The following RAB2B variants were observed in gnomAD, a reference collection of about 807,000 sequenced individuals.
RAB2B encodes the protein RAB2B, member RAS oncogene family, also known as ras-related protein Rab-2B.
Under a neutral mutation model 29.8 loss-of-function variants are expected in RAB2B, and 20 were observed. The ratio of observed to expected loss-of-function variants is 0.67; its 90% CI spans 0.47 to 0.97. The LOEUF (loss-of-function observed/expected upper bound fraction) is 0.97. Among genes scored for constraint, RAB2B ranks in the 50% least tolerant of loss-of-function variants. The pLI, the probability that RAB2B is intolerant of heterozygous loss-of-function variation, is 0.00. For missense variants in RAB2B, 218 were observed against 272.0 expected (o/e 0.80, Z 1.40); for synonymous variants, 93 against 91.7 (o/e 1.01, Z -0.08).
intron 5 of RAB2B, among the ~76,000 whole-genome samples, chr14:21,465,595 C>T (rs144894744): frequency 1.3e-5 from 2 of 152,302 alleles, no homozygotes; most frequent in African/African-American, 4.8e-5. Flanking sequence ...CCTTGTTCTC[C>T]TCCAGAGTGA....
chr14:21,474,787 T>A, intron 3 of RAB2B, 80 bp downstream of exon 3: 1 of 1,143,738 alleles, frequency 8.7e-7, no homozygotes, highest in Non-Finnish European at 1.3e-6. Flanking sequence ...AGTTCCACCC[T>A]CATCGCCCCT....
intron 5 of RAB2B, among the ~76,000 whole-genome samples, chr14:21,466,419 G>A (rs566824354): frequency 1.3e-5 from 2 of 152,286 alleles, no homozygotes; most frequent in South Asian, 2.1e-4. Context: ...CCCAGGAGGT[G>A]GAGGTTGCAG....
chr14:21,467,670 C>CA (rs1890717544), intron 5 of RAB2B, among the ~76,000 whole-genome samples: 1 of 151,952 alleles, frequency 6.6e-6, no homozygotes, highest in Admixed American at 6.6e-5. Flanking sequence ...GGTGGTTCTT[C>CA]AAAAAATAAA....
intron 2 of RAB2B, chr14:21,476,160 T>C (rs1367192880): frequency 1.1e-5 from 2 of 184,104 alleles, no homozygotes; most frequent in African/African-American, 2.3e-5. Context: ...AAAATGTCCA[T>C]GTATTGGTGT....
rs539789391 is a variant in RAB2B, at chr14:21,461,010, T to C, written c.*186A>G. 1.2e-4 allele frequency: 55 copies of C among 472,864 alleles called. No individual in the cohort carries two copies. Among genetic ancestry groups the C allele is most frequent in the African/African-American group, 1.1e-3 (54 of 49,900 alleles). The allele number at this position is 472,864 out of a possible 1,614,324, so 29.3% of individuals were successfully genotyped here. ...AAGAAGAACCCTAATCTATAGGGAA[T>C]GCTCATGTCCCTGAAGGAGGACAGG... On this transcript the variant is annotated 3_prime_UTR_variant, in exon 8 of 8. Coordinates refer to ENST00000397762, the MANE Select transcript of RAB2B (RefSeq NM_032846.4).
intron 2 of RAB2B, among the ~76,000 whole-genome samples, chr14:21,476,011 G>T (rs139515197): frequency 3.9e-5 from 6 of 152,226 alleles, no homozygotes; most frequent in Non-Finnish European, 8.8e-5. Context: ...TGTGGGAAAG[G>T]TTAATATTTT....
chr14:21,466,241 T>C (rs1890683418), intron 5 of RAB2B, among the ~76,000 whole-genome samples: 1 of 152,118 alleles, frequency 6.6e-6, no homozygotes, highest in Non-Finnish European at 1.5e-5. Flanking sequence ...TCCCAGCACT[T>C]TGGGAGGCCG....
At chr14:21,476,489 G>C (rs1256745090) in intron 2 of RAB2B, 39 bp downstream of exon 2, 1 of 1,612,342 alleles carries the variant, frequency 6.2e-7, no homozygotes, top group East Asian at 2.2e-5. Context: ...TAGCTAGTCA[G>C]GTTTTATCAT....
intron 5 of RAB2B, among the ~76,000 whole-genome samples, chr14:21,464,354 C>G (rs946253427): frequency 1.3e-5 from 2 of 152,106 alleles, no homozygotes; most frequent in Admixed American, 6.5e-5. Flanking sequence ...AAACTGAGAT[C>G]GCGCCATTGC....
At position 21,461,406 on chromosome 14, in the gene RAB2B, A is replaced by G. The variant is rs1890553307; in HGVS notation, c.544-103T>C. The stretch of plus-strand genomic sequence containing the variant: ...TATCCCAGGGTAGAAAGAAAACAGA[A>G]AGGGGAGAAAGGAGAAATCATTAAT... On this transcript the variant is annotated intron_variant, in intron 7 of 7. Transcript: ENST00000397762. 3 of 682,172 alleles carry G rather than the reference A, an allele frequency of 4.4e-6. No individual in the cohort carries two copies. The South Asian group carries it at 6.5e-5, about 15-fold the overall frequency. 42.3% of individuals were successfully genotyped at this position (682,172 alleles called of 1,614,324 possible).
chr14:21,460,585 CCAAAA>C lies in RAB2B; in HGVS notation c.*606_*610del, dbSNP rs1890523210. 2 of 92,954 alleles carry C rather than the reference CCAAAA, an allele frequency of 2.2e-5. No individual in the cohort carries two copies. The highest frequency in any genetic ancestry group is 1.3e-4 in the Admixed American group (1 of 7,608). The allele number at this position is 92,954 out of a possible 1,614,324, so 5.8% of individuals were successfully genotyped here. ...GGAGACAGAGTGAGACTCCATCCCC[CCAAAA>C]AAAAAAAAAAAAAAAGAAAAAAAAA... is the stretch of plus-strand genomic sequence containing the variant. On this transcript the variant is annotated 3_prime_UTR_variant, in exon 8 of 8. Transcript: ENST00000397762.
At chr14:21,474,266 G>A (rs1890892960) in intron 3 of RAB2B, among the ~76,000 whole-genome samples, 1 of 152,186 alleles carries the variant, frequency 6.6e-6, no homozygotes, top group African/African-American at 2.4e-5. Context: ...TCAGTAGGAT[G>A]ATGGTTACAT....
rs1014305620 is a variant in RAB2B at position 21,463,671 on chromosome 14, G to A, written c.459C>T (p.Ala153=). The change falls in exon 6 of 8, where the codon GCC becomes GCT. Residue 153 remains alanine (A), a synonymous_variant. Coordinates refer to ENST00000397762, the MANE Select transcript of RAB2B (RefSeq NM_032846.4). ...LIFMETSAKT[A]CNVEEAFINT... Reference sequence around the variant, plus strand: ...CAAATAGTACCTCTTCAACATTGCAGGCTGTTTTGGCTGAAGTTTCCATGA... The same window carrying A: ...CAAATAGTACCTCTTCAACATTGCAAGCTGTTTTGGCTGAAGTTTCCATGA... 1 of 1,612,076 alleles carries A rather than the reference G, an allele frequency of 6.2e-7. No individual in the cohort carries two copies. Among genetic ancestry groups the A allele is most frequent in the Non-Finnish European group, 8.5e-7 (1 of 1,178,174 alleles).
chr14:21,472,560 T>C (rs1890844383), intron 3 of RAB2B, among the ~76,000 whole-genome samples: 1 of 152,116 alleles, frequency 6.6e-6, no homozygotes, highest in Non-Finnish European at 1.5e-5. Flanking sequence ...TCTTTTAAAA[T>C]TTTCAAAATA....
At chr14:21,467,754 G>A (rs1012934059) in intron 5 of RAB2B, among the ~76,000 whole-genome samples, 4 of 152,190 alleles carry the variant, frequency 2.6e-5, no homozygotes, top group Admixed American at 6.5e-5. Context: ...GACTTGAACA[G>A]ATCCATGTTC....
In RAB2B at chr14:21,460,173, A is replaced by T; in HGVS notation, c.*1023T>A. Reference sequence around the variant, plus strand: ...AGGCAAGGAAGAAAAAAACTCAATGAAATTCCGAGGCAGAGGATCTATCAA... The same window carrying T: ...AGGCAAGGAAGAAAAAAACTCAATGTAATTCCGAGGCAGAGGATCTATCAA... On this transcript the variant is annotated 3_prime_UTR_variant, in exon 8 of 8. Transcript: ENST00000397762. 1.9e-6 allele frequency: 1 copy of T among 518,970 alleles called. No homozygotes were observed. The highest frequency in any genetic ancestry group is 3.2e-4 in the Middle Eastern group (1 of 3,146). 32.1% of individuals were successfully genotyped at this position (518,970 alleles called of 1,614,324 possible).
chr14:21,461,231 A>G lies in RAB2B; in HGVS notation c.616T>C (p.Ser206Pro). The G allele has an allele frequency of 6.2e-7, 1 of 1,613,756 alleles. No individual in the cohort carries two copies. The highest frequency in any genetic ancestry group is 8.5e-7 in the Non-Finnish European group (1 of 1,179,824). ...SVGPSASQRN[S>P]RDIGSNSGCC ...CCAGAGTTGGACCCTATGTCACGAG[A>G]GTTCCGCTGGGAGGCACTGGGTCCC... Residue 206 changes from serine to proline, a missense_variant, in exon 8 of 8, where the codon TCT (serine) becomes CCT (proline). Coordinates refer to ENST00000397762, the MANE Select transcript of RAB2B (RefSeq NM_032846.4).
chr14:21,469,958 C>T (rs8012943), intron 3 of RAB2B, among the ~76,000 whole-genome samples: 15,117 of 109,888 alleles, frequency 0.14, 944 homozygotes, highest in Admixed American at 0.23. Context: ...TTTTTTTTTT[C>T]TTTTTTTTTT....
At chr14:21,465,578 C>A (rs1890667204) in intron 5 of RAB2B, among the ~76,000 whole-genome samples, 1 of 152,202 alleles carries the variant, frequency 6.6e-6, no homozygotes, top group South Asian at 2.1e-4. Flanking sequence ...TGGGATACTA[C>A]TTCAGTCCTT....
Sources: gnomAD v4.1 joint callset for allele counts (sites outside exome capture counted in the v4.1 genomes callset) on GRCh38, gnomAD v4.1.1 for gene constraint, MANE v1.5 for transcripts, NCBI Gene and HGNC (gene_info 2026-07-23, HGNC 2026-07-21) for gene names.